The following ERMP1 variants were observed in gnomAD, a reference collection of about 807,000 sequenced individuals.
The protein encoded by ERMP1 is Felix-ina.
A neutral mutation model predicts 92.0 loss-of-function variants in ERMP1; 86 were observed. That is an observed-to-expected ratio of 0.93 (90% CI 0.79 to 1.12). The LOEUF (loss-of-function observed/expected upper bound fraction) is 1.12. Ranked by LOEUF, ERMP1 falls within the 50% of genes most tolerant of loss-of-function variation. ERMP1 has a pLI of 0.00. For missense variants in ERMP1, 1,342 were observed against 1,116.3 expected, an observed-to-expected ratio of 1.20 and a Z score of -2.88; for synonymous variants, 530 against 412.8, an observed-to-expected ratio of 1.28 and a Z score of -3.44.
intron 4 of ERMP1, among the ~76,000 whole-genome samples, chr9:5,816,099 C>T (rs1829294891): frequency 6.6e-6 from 1 of 152,046 alleles, no homozygotes; most frequent in African/African-American, 2.4e-5. Flanking sequence ...AAAAAAATGC[C>T]TAGGCAGGCA....
At chr9:5,826,617 G>A (rs1158082696) in intron 2 of ERMP1, among the ~76,000 whole-genome samples, 1 of 152,036 alleles carries the variant, frequency 6.6e-6, no homozygotes, top group Non-Finnish European at 1.5e-5. Flanking sequence ...AACCATACTT[G>A]TCTTGGTGGT....
intron 6 of ERMP1, among the ~76,000 whole-genome samples, chr9:5,843,648 T>A (rs981352844): frequency 1.3e-5 from 2 of 152,202 alleles, no homozygotes; most frequent in African/African-American, 4.8e-5. Context: ...CCCTCCCCGC[T>A]TCTAGCCACT....
chr9:5,797,919 G>A lies in ERMP1; in HGVS notation c.2284C>T (p.Leu762Phe). The change falls in exon 13 of 15, where the codon CTT becomes TTT. Residue 762 changes from leucine to phenylalanine, a missense_variant. Physicochemically the swap from Leu to Phe is conservative, Grantham distance 22. Coordinates refer to ENST00000339450, the MANE Select transcript of ERMP1 (RefSeq NM_024896.3). The part of the protein sequence containing the change: ...VHFLIRKNWY[L>F]PAPEVSPRNP... ...CTTGGAGAAACTTCTGGGGCAGGAA[G>A]ATACCAGTTTTTCCTATTTAGAAAG... 1 of 1,609,804 alleles carries A rather than the reference G, an allele frequency of 6.2e-7. No homozygotes were observed. The highest frequency in any genetic ancestry group is 8.5e-7 in the Non-Finnish European group (1 of 1,176,778).
chr9:5,787,323 C>T lies in ERMP1; in HGVS notation c.2551-15G>A, dbSNP rs920762498. The T allele has an allele frequency of 1.2e-6, 2 of 1,609,368 alleles. No homozygotes were observed. Among genetic ancestry groups the T allele is most frequent in the Non-Finnish European group, 1.7e-6 (2 of 1,178,064 alleles). On this transcript the variant is annotated splice_polypyrimidine_tract_variant and intron_variant, in intron 14 of 14. Coordinates refer to ENST00000339450, the MANE Select transcript of ERMP1 (RefSeq NM_024896.3). ...TCTTCTGAAACCTGCCAGAGAAAAT[C>T]AATTAGTTCTCCAGTTCTCAGAAGC... is the stretch of plus-strand genomic sequence containing the variant.
At chr9:5,800,692 A>C (rs1308070669) in intron 11 of ERMP1, among the ~76,000 whole-genome samples, 4 of 152,134 alleles carry the variant, frequency 2.6e-5, no homozygotes, top group Non-Finnish European at 5.9e-5. Flanking sequence ...AGAGAAAAGA[A>C]AGTAAGTCCT....
At position 5,831,018 on chromosome 9, in the gene ERMP1, C is replaced by T. The variant is rs762987060; in HGVS notation, c.349G>A (p.Glu117Lys). 8 of 1,609,094 alleles carry T rather than the reference C, an allele frequency of 5.0e-6. 1 individual carries two copies. In the East Asian group the frequency reaches 1.8e-4, roughly 36 times the overall value. The part of the protein sequence containing the change: ...FDALQARDYL[E>K]HITSIGPRTT... ...CTGGGGCCAATGGAGGTTATGTGTT[C>T]AAGATAATCCCTGGAAGTAACCAAA... Residue 117 changes from glutamate to lysine, a missense_variant, in exon 2 of 15, where the codon GAA becomes AAA. By Grantham distance (56) the Glu-to-Lys change is moderately conservative (BLOSUM62 1). Transcript: ENST00000339450.
intron 5 of ERMP1, among the ~76,000 whole-genome samples, chr9:5,865,792 C>T (rs1161423616): frequency 2.8e-5 from 4 of 142,450 alleles, no homozygotes; most frequent in Admixed American, 2.1e-4. Context: ...GAGCCAAGAT[C>T]GTGCCACTGT....
In ERMP1 at chr9:5,787,531, G is replaced by C; in HGVS notation, c.2449C>G (p.Leu817Val). The change falls in exon 14 of 15, where the codon CTT becomes GTT. Residue 817 changes from leucine (L) to valine (V), a missense_variant. Transcript: ENST00000339450. The part of the protein sequence containing the change: ...HKGSTLSQWS[L>V]GNGTPVTSKG... Reference sequence around the variant, plus strand: ...CTTGTGACTGGGGTGCCATTGCCAAGAGACCACTGAGAAAGTGTTGACCCT... The same window carrying C: ...CTTGTGACTGGGGTGCCATTGCCAACAGACCACTGAGAAAGTGTTGACCCT... 6.2e-7 allele frequency: 1 copy of C among 1,614,094 alleles called. No individual in the cohort carries two copies.
chr9:5,787,588 T>C lies in ERMP1; in HGVS notation c.2392A>G (p.Ser798Gly). ...IKLTFEATGP[S>G]HMSFYVRAHK... ...GCTCGAACATAGAAGGACATATGGC[T>C]TGGTCCTGTAAGGTAAAAGGAAGAA... The change falls in exon 14 of 15, where the codon AGC becomes GGC. Residue 798 changes from serine to glycine, a missense_variant. Coordinates refer to ENST00000339450, the MANE Select transcript of ERMP1 (RefSeq NM_024896.3). The C allele has an allele frequency of 1.2e-6, 2 of 1,610,318 alleles. No homozygotes were observed. The highest frequency in any genetic ancestry group is 1.7e-6 in the Non-Finnish European group (2 of 1,178,906).
chr9:5,821,356 T>G (rs752778300), intron 4 of ERMP1, among the ~76,000 whole-genome samples: 1 of 152,226 alleles, frequency 6.6e-6, no homozygotes, highest in Non-Finnish European at 1.5e-5. Context: ...CAGCAACTGC[T>G]CACCATCCAG....
chr9:5,794,965 T>G (rs1828355456), intron 13 of ERMP1, among the ~76,000 whole-genome samples: 1 of 152,158 alleles, frequency 6.6e-6, no homozygotes, highest in Admixed American at 6.5e-5. Flanking sequence ...TATAAACCAG[T>G]ATCTCTCATG....
intron 4 of ERMP1, among the ~76,000 whole-genome samples, chr9:5,818,657 G>C (rs1347082912): frequency 1.3e-5 from 2 of 151,416 alleles, no homozygotes; most frequent in Admixed American, 1.3e-4. Context: ...GGAAACCAGT[G>C]AGCCATGACT....
intron 4 of ERMP1, 123 bp from the exon 5 acceptor site, chr9:5,813,158 C>T: frequency 2.4e-6 from 2 of 847,072 alleles, no homozygotes; most frequent in Non-Finnish European, 3.7e-6. Context: ...CAATATGTAC[C>T]TTTTCATCCC....
chr9:5,793,200 GTAT>G (rs1280353968), intron 13 of ERMP1, among the ~76,000 whole-genome samples: 2 of 151,104 alleles, frequency 1.3e-5, no homozygotes, highest in African/African-American at 2.4e-5. Context: ...ATGCAGAATA[GTAT>G]TATTTAAAAG....
rs994373293 is a variant in ERMP1, at chr9:5,812,272, C to A, written c.1022-55G>T. On this transcript the variant is annotated intron_variant, in intron 5 of 14. Coordinates refer to ENST00000339450, the MANE Select transcript of ERMP1 (RefSeq NM_024896.3). ...CATTTTGCTTTAAAGATCAACCTTG[C>A]TTTCGACCTATTTCTTTAATAAATT... 6.8e-6 allele frequency: 7 copies of A among 1,026,712 alleles called. No individual in the cohort carries two copies. In the African/African-American group the frequency reaches 9.7e-5, roughly 14 times the overall value. 63.6% of individuals were successfully genotyped at this position (1,026,712 alleles called of 1,614,324 possible). A position where few individuals can be genotyped will look rare whatever the true frequency, so the allele number is the denominator to read the frequency against.
chr9:5,860,290 CA>C (rs112752410), intron 5 of ERMP1, among the ~76,000 whole-genome samples: 9,961 of 119,716 alleles, frequency 0.083, 360 homozygotes, highest in Middle Eastern at 0.2. Flanking sequence ...ACCCTGTTTC[CA>C]AAAAAAAAAA....
intron 6 of ERMP1, among the ~76,000 whole-genome samples, chr9:5,851,977 T>G (rs567962150): frequency 6.6e-6 from 1 of 152,336 alleles, no homozygotes; most frequent in East Asian, 1.9e-4. Flanking sequence ...ACTTAGTTTT[T>G]CATGACCTTA....
At position 5,801,308 on chromosome 9, in the gene ERMP1, G is replaced by T; in HGVS notation, c.1935C>A (p.Ala645=). 6.2e-7 allele frequency: 1 copy of T among 1,611,816 alleles called. No homozygotes were observed. The highest frequency in any genetic ancestry group is 1.1e-5 in the South Asian group (1 of 90,502). The change falls in exon 11 of 15, where the codon GCC becomes GCA. Residue 645 remains alanine, a synonymous_variant. Transcript: ENST00000339450. The part of the protein sequence containing the change: ...SSYFINFIYL[A]KSTKKTMLTL... ...TTAGCATGGTTTTTTTTGTGCTCTT[G>T]GCAAGGTAGATGAAGTTAATCTGAA... is the stretch of plus-strand genomic sequence containing the variant.
Position 5,824,993 on chromosome 9 carries a change from G to A in ERMP1, c.768+99C>T, listed in dbSNP as rs1008701965. 4 of 1,184,152 alleles carry A rather than the reference G, an allele frequency of 3.4e-6. No individual in the cohort carries two copies. In the Admixed American group the frequency reaches 6.0e-5, roughly 18 times the overall value. The allele number at this position is 1,184,152 out of a possible 1,614,324, so 73.4% of individuals were successfully genotyped here. A position where few individuals can be genotyped will look rare whatever the true frequency, so the allele number is the denominator to read the frequency against. ...ATATTATTTTATACTACCCACAGGAGTCATAAAAAATGCATTTACTATTTA... is the reference window on the plus strand; with the variant it reads ...ATATTATTTTATACTACCCACAGGAATCATAAAAAATGCATTTACTATTTA... On this transcript the variant is annotated intron_variant, in intron 3 of 14. Coordinates refer to ENST00000339450, the MANE Select transcript of ERMP1 (RefSeq NM_024896.3).
Sources: allele counts gnomAD v4.1 joint callset (sites outside exome capture counted in the v4.1 genomes callset), GRCh38; gene constraint gnomAD v4.1.1; transcripts MANE v1.5; gene names NCBI Gene and HGNC (gene_info 2026-07-23, HGNC 2026-07-21).